ZRANB1: variants seen among roughly 807,000 people sequenced by gnomAD.
ZRANB1 encodes zinc finger RANBP2-type containing 1, also known as ubiquitin thioesterase ZRANB1.
A neutral mutation model predicts 80.5 loss-of-function variants in ZRANB1; 16 were observed. That is an observed-to-expected ratio of 0.20 (90% CI 0.13 to 0.30). The LOEUF (loss-of-function observed/expected upper bound fraction) is 0.30. Ranked by LOEUF, ZRANB1 falls within the 10% of genes least tolerant of loss-of-function variation. The probability of loss-of-function intolerance (pLI) is 1.00; values close to 1 mark genes in which losing one functional copy is unlikely to be tolerated. For missense variants in ZRANB1, 576 were observed against 862.6 expected (o/e 0.67, Z 4.16); for synonymous variants, 291 against 293.1 (o/e 0.99, Z 0.07).
At chr10:124,967,961 C>A (rs541888214) in intron 2 of ZRANB1, among the ~76,000 whole-genome samples, 1 of 151,332 alleles carries the variant, frequency 6.6e-6, no homozygotes, top group Non-Finnish European at 1.5e-5. Flanking sequence ...TATAGTGGCA[C>A]GATCTTGGCT....
At chr10:124,931,204 G>C in the ZRANB1 span, among the ~76,000 whole-genome samples, 2 of 151,954 alleles carry the variant, frequency 1.3e-5, no homozygotes, top group Non-Finnish European at 2.9e-5. Flanking sequence ...GCCTAGCTGG[G>C]ACTACAGGCG....
intron 2 of ZRANB1, among the ~76,000 whole-genome samples, chr10:124,971,105 G>A (rs1951822065): frequency 6.6e-6 from 1 of 152,238 alleles, no homozygotes; most frequent in East Asian, 1.9e-4. Context: ...GATCACAGGC[G>A]TGAGCCATTG....
intron 2 of ZRANB1, 145 bp downstream of exon 2, chr10:124,966,926 AAG>A: frequency 1.4e-6 from 1 of 733,364 alleles, no homozygotes; most frequent in Non-Finnish European, 2.2e-6. Context: ...CATTAAACTT[AAG>A]AGACTTAATT....
At chr10:124,966,323 A>G (rs1231563696) in intron 1 of ZRANB1, among the ~76,000 whole-genome samples, 5 of 152,042 alleles carry the variant, frequency 3.3e-5, no homozygotes, top group African/African-American at 4.8e-5. Flanking sequence ...GATCCAATTC[A>G]TGCAGCCTAA....
At chr10:124,981,361 G>A (rs1951930975) in intron 5 of ZRANB1, 1 of 179,524 alleles carries the variant, frequency 5.6e-6, no homozygotes, top group Admixed American at 6.2e-5. Context: ...ATAGAGAAAT[G>A]TAGTGTCTTT....
Position 124,985,169 on chromosome 10 carries a change from G to A in ZRANB1, c.*177G>A. ...TGGAGATAATGCCTCTGCTGCGTGA[G>A]GAGACAGAGAACTTTAGTTGGACTA... On this transcript the variant is annotated 3_prime_UTR_variant, in exon 9 of 9. Coordinates refer to ENST00000359653, the MANE Select transcript of ZRANB1 (RefSeq NM_017580.3). The A allele has an allele frequency of 1.9e-6, 1 of 527,870 alleles. No homozygotes were observed. Among genetic ancestry groups the A allele is most frequent in the South Asian group, 3.2e-5 (1 of 30,878 alleles). 32.7% of individuals were successfully genotyped at this position (527,870 alleles called of 1,614,324 possible). A position where few individuals can be genotyped will look rare whatever the true frequency, so the allele number is the denominator to read the frequency against.
chr10:124,955,240 T>C (rs931893034), intron 1 of ZRANB1, among the ~76,000 whole-genome samples: 1 of 152,004 alleles, frequency 6.6e-6, no homozygotes, highest in African/African-American at 2.4e-5. Context: ...TTTGTTTTTT[T>C]TTTGTTTGTT....
At chr10:124,977,328 T>G (rs1441205372) in intron 5 of ZRANB1, among the ~76,000 whole-genome samples, 1 of 151,088 alleles carries the variant, frequency 6.6e-6, no homozygotes, top group African/African-American at 2.4e-5. Flanking sequence ...GAGTAAGAAT[T>G]GCTTTGGGGT....
In ZRANB1 at chr10:124,952,994, G is replaced by A. The variant is rs373583864; in HGVS notation, c.814+9687G>A. On this transcript the variant is annotated intron_variant, in intron 1 of 8. Coordinates refer to ENST00000359653, the MANE Select transcript of ZRANB1 (RefSeq NM_017580.3). ...GCCTGGAGTGCAGTGGCGTGATCTC[G>A]GCTGACTGCAACCTCTGCCTCCCAG... Among the ~76,000 whole-genome samples the A allele has an allele frequency of 1.7e-3, 257 of 151,992 alleles. 2 individuals carry two copies. The highest frequency in any genetic ancestry group is 5.8e-3 in the African/African-American group (240 of 41,450).
At chr10:124,954,140 G>GTT (rs55962412) in intron 1 of ZRANB1, among the ~76,000 whole-genome samples, 1,109 of 52,524 alleles carry the variant, frequency 0.021, 266 homozygotes, top group African/African-American at 0.082. Context: ...GCTAATTCCT[G>GTT]TTTTTTTTTT....
At position 124,966,688 on chromosome 10, in the gene ZRANB1, G is replaced by C; in HGVS notation, c.909G>C (p.Leu303=). The change falls in exon 2 of 9, where the codon CTG becomes CTC. Residue 303 remains leucine, a synonymous_variant. Coordinates refer to ENST00000359653, the MANE Select transcript of ZRANB1 (RefSeq NM_017580.3). ...RQLTADEVRL[L]NRPSAFDVGY... Reference sequence around the variant, plus strand: ...TCACCGCAGATGAAGTACGCTTGCTGAATCGTCCTTCTGCCTTTGATGTTG... The same window carrying C: ...TCACCGCAGATGAAGTACGCTTGCTCAATCGTCCTTCTGCCTTTGATGTTG... The C allele has an allele frequency of 6.2e-7, 1 of 1,614,176 alleles. No individual in the cohort carries two copies. Among genetic ancestry groups the C allele is most frequent in the Non-Finnish European group, 8.5e-7 (1 of 1,180,030 alleles).
chr10:124,985,178 G>A lies in ZRANB1; in HGVS notation c.*186G>A. On this transcript the variant is annotated 3_prime_UTR_variant, in exon 9 of 9. Transcript: ENST00000359653. ...TGCCTCTGCTGCGTGAGGAGACAGA[G>A]AACTTTAGTTGGACTACAGTTTGTA... 1.9e-6 allele frequency: 1 copy of A among 515,744 alleles called. No homozygotes were observed. The highest frequency in any genetic ancestry group is 3.4e-6 in the Non-Finnish European group (1 of 293,966). 31.9% of individuals were successfully genotyped at this position (515,744 alleles called of 1,614,324 possible).
chr10:124,941,171 AG>A (rs1951533467), upstream of ZRANB1, among the ~76,000 whole-genome samples: 1 of 148,640 alleles, frequency 6.7e-6, no homozygotes, highest in Non-Finnish European at 1.5e-5. Context: ...ATTTAGGAAA[AG>A]TGGCCAGTGT....
chr10:124,936,077 T>G, the ZRANB1 span, among the ~76,000 whole-genome samples: 1 of 152,142 alleles, frequency 6.6e-6, no homozygotes, highest in Admixed American at 6.6e-5. Flanking sequence ...GGGTGTCTAT[T>G]GTGCTTCTGT....
intron 1 of ZRANB1, among the ~76,000 whole-genome samples, chr10:124,959,541 C>T (rs1951714458): frequency 6.6e-6 from 1 of 151,950 alleles, no homozygotes; most frequent in Non-Finnish European, 1.5e-5. Context: ...TCACGGCTCA[C>T]TGCAGCCTCA....
chr10:124,935,831 AAAGCCTGGCTGTTTGACTGGAAATCG>A, the ZRANB1 span, among the ~76,000 whole-genome samples: 6 of 152,220 alleles, frequency 3.9e-5, no homozygotes, highest in Admixed American at 2.6e-4. Flanking sequence ...AAGGTTTTTG[AAAGCCTGGCTGTTTGACTGGAAATCG>A]AAGGGAGGGA....
chr10:124,984,557 T>C, intron 8 of ZRANB1: 1 of 537,980 alleles, frequency 1.9e-6, no homozygotes, highest in Non-Finnish European at 3.3e-6. Flanking sequence ...CTCTTTAGTT[T>C]TTTTCTGAGA....
chr10:124,945,139 C>G (rs1951569321), intron 1 of ZRANB1: 1 of 152,170 alleles, frequency 6.6e-6, no homozygotes, highest in African/African-American at 2.4e-5. Context: ...ACTCATTTGG[C>G]ATTTAGTGCA....
At chr10:124,941,936 T>A (rs995849863), upstream of ZRANB1, among the ~76,000 whole-genome samples, 1 of 152,230 alleles carries the variant, frequency 6.6e-6, no homozygotes, top group Non-Finnish European at 1.5e-5. Flanking sequence ...AGTGGATAAT[T>A]AGCATTTTAA....
Sources: allele counts gnomAD v4.1 joint callset (sites outside exome capture counted in the v4.1 genomes callset), GRCh38; gene constraint gnomAD v4.1.1; transcripts MANE v1.5; gene names NCBI Gene and HGNC (gene_info 2026-07-23, HGNC 2026-07-21).